MACROD2: variants seen among roughly 807,000 people sequenced by gnomAD.
The protein encoded by MACROD2 is ADP-ribose glycohydrolase MACROD2.
A neutral mutation model predicts 70.4 loss-of-function variants in MACROD2; 36 were observed. The ratio of observed to expected loss-of-function variants is 0.51; its 90% CI spans 0.39 to 0.68. MACROD2 has a LOEUF of 0.68. Ranked by LOEUF, MACROD2 falls within the 30% of genes least tolerant of loss-of-function variation. The probability of loss-of-function intolerance (pLI) is 0.00; values close to 1 mark genes in which losing one functional copy is unlikely to be tolerated. For missense variants in MACROD2, 496 were observed against 538.4 expected, an observed-to-expected ratio of 0.92 and a Z score of 0.78; for synonymous variants, 172 against 178.8, an observed-to-expected ratio of 0.96 and a Z score of 0.30.
chr20:15,978,098 CTTG>C (rs756047508), intron 13 of MACROD2, among the ~76,000 whole-genome samples: 2 of 152,186 alleles, frequency 1.3e-5, no homozygotes, highest in Non-Finnish European at 2.9e-5. Context: ...ACATGGACAT[CTTG>C]TTATACAATG....
intron 5 of MACROD2, among the ~76,000 whole-genome samples, chr20:14,865,246 T>C (rs896217875): frequency 2.0e-5 from 3 of 152,120 alleles, no homozygotes; most frequent in Non-Finnish European, 4.4e-5. Flanking sequence ...TCCATGATGC[T>C]ATCTCCTGCC....
intron 2 of MACROD2, among the ~76,000 whole-genome samples, chr20:14,017,557 A>T (rs1045598366): frequency 1.4e-4 from 21 of 152,070 alleles, no homozygotes; most frequent in Admixed American, 1.4e-3. Flanking sequence ...TGCATTTTCT[A>T]TATAAGTTTA....
chr20:15,757,701 AC>A (rs2051368276), intron 8 of MACROD2, among the ~76,000 whole-genome samples: 1 of 152,078 alleles, frequency 6.6e-6, no homozygotes, highest in Admixed American at 6.5e-5. Flanking sequence ...CCTGGTGAGG[AC>A]CCTCTTTCTC....
At chr20:15,831,967 G>A (rs752951454) in intron 8 of MACROD2, among the ~76,000 whole-genome samples, 11 of 152,096 alleles carry the variant, frequency 7.2e-5, no homozygotes, top group Non-Finnish European at 1.2e-4. Context: ...ATGTCACACC[G>A]CTATCTCAAG....
chr20:14,448,661 C>A (rs1266896015), intron 3 of MACROD2, among the ~76,000 whole-genome samples: 1 of 151,280 alleles, frequency 6.6e-6, no homozygotes, highest in African/African-American at 2.4e-5. Context: ...GATCGACACT[C>A]CCTCTCAGAA....
intron 6 of MACROD2, among the ~76,000 whole-genome samples, chr20:15,332,359 T>C (rs2146192867): frequency 6.6e-6 from 1 of 151,786 alleles, no homozygotes; most frequent in East Asian, 1.9e-4. Context: ...CTTCATACGC[T>C]TAGGAGGAAG....
chr20:15,205,755 T>C (rs2076696073), intron 5 of MACROD2, among the ~76,000 whole-genome samples: 1 of 152,262 alleles, frequency 6.6e-6, no homozygotes, highest in Admixed American at 6.5e-5. Flanking sequence ...TTTTTTGCTA[T>C]AGTAACAATA....
intron 3 of MACROD2, among the ~76,000 whole-genome samples, chr20:14,200,437 G>A (rs963058446): frequency 1.3e-5 from 2 of 152,088 alleles, no homozygotes; most frequent in African/African-American, 2.4e-5. Flanking sequence ...TGAGTACTAC[G>A]CTTAATACCT....
At chr20:14,370,352 A>T (rs974616671) in intron 3 of MACROD2, among the ~76,000 whole-genome samples, 5 of 152,236 alleles carry the variant, frequency 3.3e-5, no homozygotes, top group African/African-American at 9.6e-5. Flanking sequence ...AGGAAACTTC[A>T]GTCTGAATTG....
intron 4 of MACROD2, among the ~76,000 whole-genome samples, chr20:14,556,665 A>G (rs1342437593): frequency 6.6e-6 from 1 of 152,042 alleles, no homozygotes; most frequent in South Asian, 2.1e-4. Flanking sequence ...GATGAGTTAC[A>G]TGGGTATATT....
At position 14,084,994 on chromosome 20, in the gene MACROD2, G is replaced by T. The variant is rs182640323; in HGVS notation, c.164-627G>T. On this transcript the variant is annotated intron_variant, in intron 2 of 17. Transcript: ENST00000684519. ...AAAAATTAGATGGGCATGGCATGGT[G>T]GCTCATGCCTGTAATTCCAGCTACT... 1.7e-3 allele frequency among the ~76,000 whole-genome samples: 242 copies of T among 138,674 alleles called. 1 individual carries two copies. The highest frequency in any genetic ancestry group is 2.5e-3 in the Non-Finnish European group (163 of 65,388). 91.0% of individuals were successfully genotyped at this position (138,674 alleles called of 152,430 possible). A position where few individuals can be genotyped will look rare whatever the true frequency, so the allele number is the denominator to read the frequency against.
intron 8 of MACROD2, among the ~76,000 whole-genome samples, chr20:15,620,763 T>C (rs2049113479): frequency 6.6e-6 from 1 of 152,056 alleles, no homozygotes; most frequent in African/African-American, 2.4e-5. Flanking sequence ...GCTGTTAGAG[T>C]CACCAAGCTG....
At chr20:14,336,382 A>G (rs2082937121) in intron 3 of MACROD2, among the ~76,000 whole-genome samples, 1 of 152,132 alleles carries the variant, frequency 6.6e-6, no homozygotes, top group Non-Finnish European at 1.5e-5. Context: ...CAAACCCCCC[A>G]GATGTTGAGA....
At chr20:15,110,658 T>C (rs1292827106) in intron 5 of MACROD2, among the ~76,000 whole-genome samples, 1 of 152,198 alleles carries the variant, frequency 6.6e-6, no homozygotes, top group East Asian at 1.9e-4. Context: ...CTTCACGCAG[T>C]ACATGCAACA....
At chr20:15,425,662 A>G (rs2046287660) in intron 6 of MACROD2, among the ~76,000 whole-genome samples, 1 of 152,176 alleles carries the variant, frequency 6.6e-6, no homozygotes, top group Admixed American at 6.5e-5. Flanking sequence ...TAAACTCTTC[A>G]TCTTTCTATT....
At chr20:14,312,923 C>T (rs891508106) in intron 3 of MACROD2, among the ~76,000 whole-genome samples, 4 of 152,226 alleles carry the variant, frequency 2.6e-5, no homozygotes, top group Non-Finnish European at 5.9e-5. Flanking sequence ...TTTGAAAACA[C>T]TCATACTTGT....
chr20:15,606,620 G>T (rs1296372999), intron 8 of MACROD2, among the ~76,000 whole-genome samples: 1 of 152,210 alleles, frequency 6.6e-6, no homozygotes, highest in Non-Finnish European at 1.5e-5. Context: ...CTATCATGAA[G>T]CTACAAGTAT....
chr20:15,980,609 C>T (rs1213105935), intron 13 of MACROD2, among the ~76,000 whole-genome samples: 2 of 152,172 alleles, frequency 1.3e-5, no homozygotes, highest in African/African-American at 2.4e-5. Context: ...CTGGGAACCA[C>T]CTTCTAAACA....
chr20:15,501,288 C>A (rs771565500), intron 8 of MACROD2, among the ~76,000 whole-genome samples: 3 of 152,328 alleles, frequency 2.0e-5, no homozygotes, highest in East Asian at 1.9e-4. Flanking sequence ...ACTGAGCAAG[C>A]GTATCAGTGC....
Sources: gnomAD v4.1 joint callset for allele counts (sites outside exome capture counted in the v4.1 genomes callset) on GRCh38, gnomAD v4.1.1 for gene constraint, MANE v1.5 for transcripts, NCBI Gene and HGNC (gene_info 2026-07-23, HGNC 2026-07-21) for gene names.